The following UBE3D variants were observed in gnomAD, a reference collection of about 807,000 sequenced individuals.
UBE3D encodes E3 ubiquitin-protein ligase E3D.
In UBE3D, 48 loss-of-function variants were observed where a neutral mutation model predicts 49.6. The ratio of observed to expected loss-of-function variants is 0.97; its 90% CI spans 0.77 to 1.23. The LOEUF is 1.23. UBE3D is among the 50% of genes most tolerant of loss of function. The pLI is 0.00. For missense variants in UBE3D, 452 were observed against 468.4 expected (o/e 0.96, Z 0.32); for synonymous variants, 189 against 174.2 (o/e 1.08, Z -0.67).
chr6:82,973,263 A>T (rs919609394), intron 8 of UBE3D, among the ~76,000 whole-genome samples: 8 of 152,204 alleles, frequency 5.3e-5, no homozygotes, highest in African/African-American at 9.6e-5. Context: ...AAATAAATAT[A>T]ACCAACAAAA....
chr6:82,994,079 T>C (rs1010368590), intron 8 of UBE3D, among the ~76,000 whole-genome samples: 2 of 152,188 alleles, frequency 1.3e-5, no homozygotes, highest in South Asian at 2.1e-4. Context: ...ACAATAATCA[T>C]AGGGCCTAAA....
intron 8 of UBE3D, among the ~76,000 whole-genome samples, chr6:82,989,887 A>C (rs1228145717): frequency 6.6e-6 from 1 of 152,208 alleles, no homozygotes; most frequent in Non-Finnish European, 1.5e-5. Flanking sequence ...AAAACACATA[A>C]TGCAGGATTT....
At chr6:82,969,956 T>C (rs1777226968) in intron 8 of UBE3D, among the ~76,000 whole-genome samples, 1 of 151,402 alleles carries the variant, frequency 6.6e-6, no homozygotes, top group African/African-American at 2.4e-5. Flanking sequence ...GGTGTTAATA[T>C]AGAAGTAGAC....
intron 2 of UBE3D, among the ~76,000 whole-genome samples, chr6:83,057,111 T>A (rs1783864870): frequency 6.6e-6 from 1 of 152,150 alleles, no homozygotes; most frequent in Admixed American, 6.5e-5. Flanking sequence ...AAATTAAGTA[T>A]CAAACTCAAC....
intron 9 of UBE3D, among the ~76,000 whole-genome samples, chr6:82,929,565 G>A (rs1233950248): frequency 6.6e-6 from 1 of 151,374 alleles, no homozygotes; most frequent in Non-Finnish European, 1.5e-5. Flanking sequence ...TTTTTTGTTG[G>A]TGTGTTTGTT....
At chr6:82,905,965 T>G (rs1212066379) in intron 9 of UBE3D, among the ~76,000 whole-genome samples, 2 of 152,188 alleles carry the variant, frequency 1.3e-5, no homozygotes, top group Non-Finnish European at 2.9e-5. Flanking sequence ...AGACCTCTTC[T>G]GAAGCAAATC....
intron 8 of UBE3D, chr6:83,018,448 T>C (rs1780845354): frequency 6.6e-6 from 1 of 152,388 alleles, no homozygotes; most frequent in Non-Finnish European, 1.5e-5. Flanking sequence ...TTACTACCAG[T>C]GTCTTAGTGT....
chr6:83,046,083 A>G (rs924987753), intron 3 of UBE3D, among the ~76,000 whole-genome samples: 2 of 152,224 alleles, frequency 1.3e-5, no homozygotes, highest in African/African-American at 4.8e-5. Flanking sequence ...ATCAGAGAAT[A>G]TATCATATCA....
At chr6:82,943,673 A>G (rs1418671975) in intron 9 of UBE3D, among the ~76,000 whole-genome samples, 1 of 152,080 alleles carries the variant, frequency 6.6e-6, no homozygotes, top group Non-Finnish European at 1.5e-5. Context: ...AAAAAGAACT[A>G]AAAATCAGGT....
intron 8 of UBE3D, among the ~76,000 whole-genome samples, chr6:82,987,414 G>A (rs1422746361): frequency 6.6e-6 from 1 of 152,002 alleles, no homozygotes; most frequent in African/African-American, 2.4e-5. Flanking sequence ...AAAAAAAGAT[G>A]GTTTTACTTA....
intron 4 of UBE3D, 46 bp downstream of exon 4, chr6:83,044,382 C>G: frequency 6.3e-7 from 1 of 1,585,074 alleles, no homozygotes; most frequent in Non-Finnish European, 8.7e-7. Flanking sequence ...AAGTCAGTAT[C>G]TAAGACAGCC....
chr6:82,989,151 T>G (rs1018996743), intron 8 of UBE3D, among the ~76,000 whole-genome samples: 1 of 152,110 alleles, frequency 6.6e-6, no homozygotes, highest in Non-Finnish European at 1.5e-5. Flanking sequence ...TCCTTTACAG[T>G]AACAAATACC....
chr6:83,039,263 G>A (rs1562215821), intron 4 of UBE3D, among the ~76,000 whole-genome samples: 1 of 152,198 alleles, frequency 6.6e-6, no homozygotes, highest in Non-Finnish European at 1.5e-5. Context: ...TACAACTCTG[G>A]ATACTCCAGG....
Position 83,065,662 on chromosome 6 carries a change from C to A in UBE3D, c.57G>T (p.Gln19His), listed in dbSNP as rs1201574002. The change falls in exon 1 of 10, where the codon CAG becomes CAT. Residue 19 changes from glutamine (Q) to histidine (H), a missense_variant. Transcript: ENST00000369747. ...RVFLEVRGQL[Q>H]SALLILGEPK... ...CTTACCCCAGGATCAGAAGCGCGCT[C>A]TGCAGCTGTCCCCGCACCTCCAGAA... The A allele has an allele frequency of 6.2e-7, 1 of 1,613,906 alleles. No individual in the cohort carries two copies. Among genetic ancestry groups the A allele is most frequent in the East Asian group, 2.2e-5 (1 of 44,836 alleles).
chr6:82,975,285 A>G (rs1403411171), intron 8 of UBE3D, among the ~76,000 whole-genome samples: 1 of 152,174 alleles, frequency 6.6e-6, no homozygotes, highest in Non-Finnish European at 1.5e-5. Context: ...TGATGACTGT[A>G]GATTTAAATT....
intron 1 of UBE3D, among the ~76,000 whole-genome samples, chr6:83,059,029 T>C (rs970404116): frequency 2.0e-5 from 3 of 152,212 alleles, no homozygotes; most frequent in Admixed American, 2.0e-4. Context: ...ATGAGCCATG[T>C]ATGGTCTCAA....
At chr6:82,935,722 G>A (rs374693283) in intron 9 of UBE3D, among the ~76,000 whole-genome samples, 16 of 152,094 alleles carry the variant, frequency 1.1e-4, no homozygotes, top group Non-Finnish European at 1.9e-4. Flanking sequence ...TCTTACAACA[G>A]CTGTCTTATC....
the UBE3D span, among the ~76,000 whole-genome samples, chr6:82,882,910 T>C: frequency 1.3e-5 from 2 of 152,216 alleles, no homozygotes; most frequent in African/African-American, 4.8e-5. Context: ...GCAAGGCAGC[T>C]AATCAGAGAA....
At chr6:83,028,293 G>A (rs1277466739) in intron 5 of UBE3D, among the ~76,000 whole-genome samples, 1 of 152,050 alleles carries the variant, frequency 6.6e-6, no homozygotes, top group Non-Finnish European at 1.5e-5. Context: ...TTTATCTTTG[G>A]TTGCATGGTG....
Sources: gnomAD v4.1 joint callset for allele counts (sites outside exome capture counted in the v4.1 genomes callset) on GRCh38, gnomAD v4.1.1 for gene constraint, MANE v1.5 for transcripts, NCBI Gene and HGNC (gene_info 2026-07-23, HGNC 2026-07-21) for gene names.